Variants in RHOBTB1 observed in about 807,000 individuals in gnomAD.
The protein encoded by RHOBTB1 is Rho related BTB domain containing 1.
RHOBTB1 carries 40 observed loss-of-function variants against 71.6 expected under a neutral mutation model. The ratio of observed to expected loss-of-function variants is 0.56; its 90% CI spans 0.43 to 0.73. The LOEUF is 0.73. Among genes scored for constraint, RHOBTB1 ranks in the 30% least tolerant of loss-of-function variants. The pLI, the probability that RHOBTB1 is intolerant of heterozygous loss-of-function variation, is 0.00. For missense variants in RHOBTB1, 797 were observed against 894.0 expected (o/e 0.89, Z 1.38); for synonymous variants, 319 against 334.9 (o/e 0.95, Z 0.52).
At chr10:60,936,424 G>A (rs142224754) in intron 2 of RHOBTB1, among the ~76,000 whole-genome samples, 4 of 152,288 alleles carry the variant, frequency 2.6e-5, no homozygotes, top group East Asian at 1.9e-4. Flanking sequence ...GTCAATTTGC[G>A]TATGCACATA....
intron 9 of RHOBTB1, 99 bp downstream of exon 9, chr10:60,874,855 G>C: frequency 2.4e-6 from 2 of 843,784 alleles, no homozygotes; most frequent in African/African-American, 1.7e-5. Flanking sequence ...ACTCAGTGGT[G>C]ACATCTTCAT....
At chr10:60,953,744 T>C (rs568647011) in intron 2 of RHOBTB1, among the ~76,000 whole-genome samples, 11 of 152,062 alleles carry the variant, frequency 7.2e-5, no homozygotes, top group Non-Finnish European at 1.6e-4. Context: ...ATGTTTCTTC[T>C]CGATAAAACA....
chr10:60,864,070 T>C, the RHOBTB1 span, among the ~76,000 whole-genome samples: 19 of 152,272 alleles, frequency 1.2e-4, no homozygotes, highest in East Asian at 3.1e-3. Flanking sequence ...TATGGCATAG[T>C]CTTTACTCCA....
intron 1 of RHOBTB1, among the ~76,000 whole-genome samples, chr10:60,986,280 T>C (rs2086656424): frequency 1.3e-5 from 2 of 151,924 alleles, no homozygotes; most frequent in South Asian, 4.2e-4. Context: ...GTTTTGACAG[T>C]CAAATGAGAT....
intron 1 of RHOBTB1, among the ~76,000 whole-genome samples, chr10:60,989,205 T>C (rs963387903): frequency 6.6e-6 from 1 of 151,860 alleles, no homozygotes; most frequent in Non-Finnish European, 1.5e-5. Context: ...AGAAAAAAAG[T>C]AGAAGTTGAT....
At chr10:60,861,649 C>T in the RHOBTB1 span, among the ~76,000 whole-genome samples, 4 of 145,360 alleles carry the variant, frequency 2.8e-5, no homozygotes, top group Non-Finnish European at 6.0e-5. Flanking sequence ...TCAAGAAGAA[C>T]ATCCCGTTGA....
At chr10:60,915,231 T>G (rs1835135744) in intron 2 of RHOBTB1, among the ~76,000 whole-genome samples, 1 of 152,206 alleles carries the variant, frequency 6.6e-6, no homozygotes, top group South Asian at 2.1e-4. Context: ...AGGCTCTAAT[T>G]TATTCATATC....
intron 1 of RHOBTB1, among the ~76,000 whole-genome samples, chr10:60,990,263 G>A (rs144652110): frequency 3.2e-4 from 48 of 152,120 alleles, no homozygotes; most frequent in African/African-American, 1.1e-3. Context: ...GATTACAGGC[G>A]TCAGCCACCG....
At chr10:60,890,972 T>C (rs934253817) in intron 5 of RHOBTB1, among the ~76,000 whole-genome samples, 4 of 152,216 alleles carry the variant, frequency 2.6e-5, no homozygotes, top group Non-Finnish European at 5.9e-5. Flanking sequence ...CACTGTTCTC[T>C]ATAGCTCTGC....
chr10:60,875,740 T>C (rs2081021728), intron 8 of RHOBTB1, among the ~76,000 whole-genome samples: 1 of 152,194 alleles, frequency 6.6e-6, no homozygotes, highest in African/African-American at 2.4e-5. Context: ...GACCTGCAGT[T>C]AGAAGTAACA....
chr10:60,962,148 T>C (rs555655557), intron 2 of RHOBTB1, among the ~76,000 whole-genome samples: 2 of 152,116 alleles, frequency 1.3e-5, no homozygotes, highest in South Asian at 4.1e-4. Context: ...GATCCAATGA[T>C]AGGATCGTTG....
At chr10:60,933,784 A>G (rs569242160) in intron 2 of RHOBTB1, among the ~76,000 whole-genome samples, 1 of 152,120 alleles carries the variant, frequency 6.6e-6, no homozygotes, top group Non-Finnish European at 1.5e-5. Flanking sequence ...CAGGAGATGG[A>G]TTAAAAAAAA....
At chr10:60,884,717 G>A (rs1210239552) in intron 7 of RHOBTB1, among the ~76,000 whole-genome samples, 1 of 152,172 alleles carries the variant, frequency 6.6e-6, no homozygotes, top group Non-Finnish European at 1.5e-5. Flanking sequence ...ATTATGTTAA[G>A]TGAAATAAGC....
At chr10:60,871,926 G>A (rs1485510135) in intron 10 of RHOBTB1, 10 of 603,818 alleles carry the variant, frequency 1.7e-5, no homozygotes, top group Admixed American at 1.5e-4. Flanking sequence ...CAAGGGGAAG[G>A]CCACCACCTC....
intron 2 of RHOBTB1, among the ~76,000 whole-genome samples, chr10:60,967,252 G>A (rs2085998115): frequency 1.4e-5 from 2 of 147,990 alleles, no homozygotes; most frequent in South Asian, 4.3e-4. Context: ...AAAAAATATA[G>A]CAGAATACAT....
chr10:60,930,319 A>G (rs1398439112), intron 2 of RHOBTB1, among the ~76,000 whole-genome samples: 1 of 152,194 alleles, frequency 6.6e-6, no homozygotes, highest in African/African-American at 2.4e-5. Context: ...ATTGTTGTGA[A>G]GATTATATTA....
chr10:60,930,272 TTATC>T (rs2133949311), intron 2 of RHOBTB1, among the ~76,000 whole-genome samples: 1 of 152,328 alleles, frequency 6.6e-6, no homozygotes, highest in South Asian at 2.1e-4. Flanking sequence ...CTCTATATTC[TTATC>T]TGTGAACTGG....
the RHOBTB1 span, among the ~76,000 whole-genome samples, chr10:60,862,831 T>TCCTC: frequency 3.9e-3 from 565 of 143,292 alleles, 3 homozygotes; most frequent in African/African-American, 0.014. Context: ...TTCATTCTTT[T>TCCTC]CCTCCCTCCC....
chr10:60,944,327 G>A (rs1196543916), upstream of RHOBTB1: 1 of 152,232 alleles, frequency 6.6e-6, no homozygotes, highest in African/African-American at 2.4e-5. Flanking sequence ...CTCGCACTGT[G>A]ACGTTAGCAG....
Sources: gnomAD v4.1 joint callset for allele counts (sites outside exome capture counted in the v4.1 genomes callset) on GRCh38, gnomAD v4.1.1 for gene constraint, MANE v1.5 for transcripts, NCBI Gene and HGNC (gene_info 2026-07-23, HGNC 2026-07-21) for gene names.